SHROOM3: variants seen among roughly 807,000 people sequenced by gnomAD.
SHROOM3 encodes shroom family member 3, also known as protein Shroom3.
Under a neutral mutation model 138.6 loss-of-function variants are expected in SHROOM3, and 47 were observed. That is an observed-to-expected ratio of 0.34 (90% CI 0.27 to 0.43). The LOEUF (loss-of-function observed/expected upper bound fraction) is 0.43, where lower values mean the gene tolerates loss of function less well. Ranked by LOEUF, SHROOM3 falls within the 20% of genes least tolerant of loss-of-function variation. The pLI is 1.00. For synonymous variants in SHROOM3, 1,062 were observed against 1,063.3 expected, an observed-to-expected ratio of 1.00 and a Z score of 0.02; for missense variants, 2,491 against 2,596.5, an observed-to-expected ratio of 0.96 and a Z score of 0.88.
intron 5 of SHROOM3, chr4:76,742,250 C>CTT (rs560538694): frequency 3.6e-4 from 105 of 294,160 alleles, no homozygotes; most frequent in South Asian, 4.8e-4. Flanking sequence ...TTGTTTTTTG[C>CTT]TTTTTTTTTT....
chr4:76,493,158 T>A (rs565979065), intron 1 of SHROOM3, among the ~76,000 whole-genome samples: 161 of 147,862 alleles, frequency 1.1e-3, no homozygotes, highest in Middle Eastern at 3.5e-3. Flanking sequence ...GAGGCGGCGG[T>A]TGCAGTGAGC....
At chr4:76,580,446 C>CTTTTTT (rs869200924) in intron 2 of SHROOM3, among the ~76,000 whole-genome samples, 18 of 88,074 alleles carry the variant, frequency 2.0e-4, no homozygotes, top group East Asian at 3.2e-4. Context: ...TGGGCAAGTT[C>CTTTTTT]TTTTTTTTTT....
intron 2 of SHROOM3, among the ~76,000 whole-genome samples, chr4:76,604,908 A>G (rs1337804322): frequency 6.6e-6 from 1 of 152,218 alleles, no homozygotes; most frequent in Admixed American, 6.5e-5. Flanking sequence ...CAAAAATGTG[A>G]ACTAGTTTAT....
chr4:76,496,073 A>C (rs1169048443), intron 1 of SHROOM3, among the ~76,000 whole-genome samples: 3 of 152,250 alleles, frequency 2.0e-5, no homozygotes, highest in Non-Finnish European at 4.4e-5. Flanking sequence ...TGTCAAGATT[A>C]GGAGGCTAGG....
chr4:76,477,816 C>A (rs912229003), intron 1 of SHROOM3, among the ~76,000 whole-genome samples: 2 of 152,086 alleles, frequency 1.3e-5, no homozygotes, highest in African/African-American at 4.8e-5. Flanking sequence ...TGGGTGCAGC[C>A]CATGGAGGGT....
chr4:76,662,226 G>C (rs1433564228), intron 2 of SHROOM3, among the ~76,000 whole-genome samples: 1 of 152,108 alleles, frequency 6.6e-6, no homozygotes, highest in East Asian at 1.9e-4. Context: ...TCTTGTTGTT[G>C]GTTGAATTCA....
In SHROOM3 at chr4:76,645,438, T is replaced by C. The variant is rs1026086425; in HGVS notation, c.324-64718T>C. ...GAGCTGTCGACCACCTTGGGTGAAGTGGTGGTCTCCACGTCCCACCTGGGC... is the reference window on the plus strand; with the variant it reads ...GAGCTGTCGACCACCTTGGGTGAAGCGGTGGTCTCCACGTCCCACCTGGGC... On this transcript the variant is annotated intron_variant, in intron 2 of 10. Transcript: ENST00000296043. The C allele has an allele frequency of 1.1e-4, 16 of 152,194 alleles. 1 individual carries two copies. Among genetic ancestry groups the C allele is most frequent in the African/African-American group, 3.9e-4 (16 of 41,442 alleles). The allele number at this position is 152,194 out of a possible 1,614,324, so 9.4% of individuals were successfully genotyped here.
chr4:76,447,016 C>T (rs1165290871), intron 1 of SHROOM3, among the ~76,000 whole-genome samples: 1 of 152,204 alleles, frequency 6.6e-6, no homozygotes, highest in Non-Finnish European at 1.5e-5. Context: ...AGTACACTCT[C>T]TTGGCACGAT....
intron 1 of SHROOM3, among the ~76,000 whole-genome samples, chr4:76,460,661 C>G (rs1339726787): frequency 6.6e-6 from 1 of 151,628 alleles, no homozygotes; most frequent in African/African-American, 2.4e-5. Flanking sequence ...CCTCTGTGCC[C>G]CCACATCTCT....
chr4:76,455,948 T>C (rs1251384083), intron 1 of SHROOM3, among the ~76,000 whole-genome samples: 1 of 152,210 alleles, frequency 6.6e-6, no homozygotes, highest in Non-Finnish European at 1.5e-5. Flanking sequence ...AAGTCTCTTA[T>C]ATAAAATGGT....
Position 76,740,746 on chromosome 4 carries a change from C to G in SHROOM3, c.2573C>G (p.Ala858Gly). ...AACGGGGAGCTGAAGTTGGAAGAGG[C>G]TTCCCGGCAGCCCTGCGGTCAGCAG... is the stretch of plus-strand genomic sequence containing the variant. Reference protein sequence around the residue: ...FKNGELKLEEASRQPCGQQLS... With the variant: ...FKNGELKLEEGSRQPCGQQLS... Residue 858 changes from alanine to glycine, a missense_variant, in exon 5 of 11, where the codon GCT becomes GGT. Coordinates refer to ENST00000296043, the MANE Select transcript of SHROOM3 (RefSeq NM_020859.4). This position sits in a 1 kb window ranked among gnomAD's most constrained non-coding sequence, Gnocchi z 4.0. 1 of 1,613,212 alleles carries G rather than the reference C, an allele frequency of 6.2e-7. No individual in the cohort carries two copies. Among genetic ancestry groups the G allele is most frequent in the African/African-American group, 1.3e-5 (1 of 75,070 alleles).
chr4:76,518,295 A>C (rs950210864), intron 1 of SHROOM3, among the ~76,000 whole-genome samples: 4 of 152,134 alleles, frequency 2.6e-5, no homozygotes, highest in African/African-American at 9.7e-5. Flanking sequence ...ACATTTATTC[A>C]TTCGTAGTGT....
intron 2 of SHROOM3, among the ~76,000 whole-genome samples, chr4:76,579,562 A>G (rs1426441618): frequency 6.6e-6 from 1 of 152,260 alleles, no homozygotes; most frequent in Non-Finnish European, 1.5e-5. Flanking sequence ...GAAGTTTTGC[A>G]TAATCTGGAT....
At chr4:76,656,991 G>C (rs1254547086) in intron 2 of SHROOM3, among the ~76,000 whole-genome samples, 1 of 152,072 alleles carries the variant, frequency 6.6e-6, no homozygotes, top group Non-Finnish European at 1.5e-5. Flanking sequence ...GGCCGACATA[G>C]TGAAACCACC....
chr4:76,586,550 TAA>T (rs772163582), intron 2 of SHROOM3: 733 of 896,532 alleles, frequency 8.2e-4, no homozygotes, highest in Non-Finnish European at 9.4e-4. Flanking sequence ...ATTGGGAAGG[TAA>T]ACTAAAGAGA....
rs1270256791 is a variant in SHROOM3 at position 76,693,366 on chromosome 4, GTTTGTTTTTTT to G, written c.324-16786_324-16776del. On this transcript the variant is annotated intron_variant, in intron 2 of 10. Coordinates refer to ENST00000296043, the MANE Select transcript of SHROOM3 (RefSeq NM_020859.4). Reference sequence around the variant, plus strand: ...ACTATGCATACCTTCATTTTGATAAGTTTGTTTTTTTTTTTTTTTTTTTTTTTAAAGCAACA... The same window carrying G: ...ACTATGCATACCTTCATTTTGATAAGTTTTTTTTTTTTTTTTAAAGCAACA... Among the ~76,000 whole-genome samples the G allele has an allele frequency of 8.5e-4, 51 of 60,100 alleles. 1 individual carries two copies. The highest frequency in any genetic ancestry group is 6.8e-3 in the Middle Eastern group (1 of 146). 39.4% of individuals were successfully genotyped at this position (60,100 alleles called of 152,430 possible). A position where few individuals can be genotyped will look rare whatever the true frequency, so the allele number is the denominator to read the frequency against.
At chr4:76,687,878 C>G (rs931121197) in intron 2 of SHROOM3, among the ~76,000 whole-genome samples, 6 of 152,116 alleles carry the variant, frequency 3.9e-5, no homozygotes, top group Non-Finnish European at 7.3e-5. Flanking sequence ...TCACCTGACC[C>G]AGAGCACTTA....
In SHROOM3 at chr4:76,740,221, G is replaced by A. The variant is rs1282943449; in HGVS notation, c.2048G>A (p.Gly683Glu). ...RRHSSLELGR[G>E]TQEGYPGGRP... ...CACAGCAGCCTGGAGCTAGGCCGGGGAACCCAGGAGGGTTACCCCGGGGGC... is the reference window on the plus strand; with the variant it reads ...CACAGCAGCCTGGAGCTAGGCCGGGAAACCCAGGAGGGTTACCCCGGGGGC... The change falls in exon 5 of 11, where the codon GGA becomes GAA. Residue 683 changes from glycine to glutamate, a missense_variant. By Grantham distance (98) the Gly-to-Glu change is moderately conservative. Coordinates refer to ENST00000296043, the MANE Select transcript of SHROOM3 (RefSeq NM_020859.4). The surrounding 1 kb of genome is among the most constrained non-coding windows in gnomAD (Gnocchi z 4.0). 6.2e-7 allele frequency: 1 copy of A among 1,613,468 alleles called. No homozygotes were observed. Among genetic ancestry groups the A allele is most frequent in the East Asian group, 2.2e-5 (1 of 44,874 alleles).
chr4:76,770,933 C>T (rs757615568), intron 10 of SHROOM3, 35 bp downstream of exon 10: 1 of 1,613,574 alleles, frequency 6.2e-7, no homozygotes, highest in Admixed American at 1.7e-5. Flanking sequence ...AACAAGTTCT[C>T]CCTCAAAGCC....
Sources: allele counts gnomAD v4.1 joint callset (sites outside exome capture counted in the v4.1 genomes callset), GRCh38; gene constraint gnomAD v4.1.1; non-coding constraint Gnocchi (gnomAD v3.1); transcripts MANE v1.5; gene names NCBI Gene and HGNC (gene_info 2026-07-23, HGNC 2026-07-21).